The following DRD3 variants were observed in gnomAD, a reference collection of about 807,000 sequenced individuals.
DRD3 encodes dopamine receptor D3, also known as D(3) dopamine receptor.
Under a neutral mutation model 36.3 loss-of-function variants are expected in DRD3, and 19 were observed. The observed-to-expected ratio is 0.52, with a 90% CI of 0.36 to 0.77. The LOEUF (loss-of-function observed/expected upper bound fraction) is 0.77, where lower values mean the gene tolerates loss of function less well. Ranked by LOEUF, DRD3 falls within the 30% of genes least tolerant of loss-of-function variation. The probability of loss-of-function intolerance (pLI) is 0.00; values close to 1 mark genes in which losing one functional copy is unlikely to be tolerated. For missense variants in DRD3, 465 were observed against 505.3 expected (o/e 0.92, Z 0.77); for synonymous variants, 195 against 203.7 (o/e 0.96, Z 0.36).
chr3:114,155,586 G>T (rs1044749086), intron 3 of DRD3, among the ~76,000 whole-genome samples: 1 of 152,152 alleles, frequency 6.6e-6, no homozygotes, highest in African/African-American at 2.4e-5. Flanking sequence ...CCCTCTCCTG[G>T]CTGGCAAATC....
At chr3:114,145,648 A>G (rs548583501) in intron 4 of DRD3, among the ~76,000 whole-genome samples, 1 of 152,356 alleles carries the variant, frequency 6.6e-6, no homozygotes, top group African/African-American at 2.4e-5. Flanking sequence ...GAGTGGAGTT[A>G]TATGTAGTCT....
At chr3:114,158,720 A>G (rs1275911356) in intron 3 of DRD3, among the ~76,000 whole-genome samples, 1 of 152,264 alleles carries the variant, frequency 6.6e-6, no homozygotes, top group African/African-American at 2.4e-5. Context: ...TGAAGATGAA[A>G]TGAGTTAATG....
At chr3:114,160,003 G>T in intron 2 of DRD3, 136 bp from the exon 3 acceptor site, 1 of 718,184 alleles carries the variant, frequency 1.4e-6, no homozygotes. Flanking sequence ...TTCCCACAGG[G>T]CAGATGGACA....
At chr3:114,142,829 C>G (rs1206469394) in intron 4 of DRD3, among the ~76,000 whole-genome samples, 1 of 152,248 alleles carries the variant, frequency 6.6e-6, no homozygotes, top group East Asian at 1.9e-4. Context: ...GCATTGCCAT[C>G]TCTTCCTTCC....
At chr3:114,167,181 T>C (rs931605402) in intron 2 of DRD3, among the ~76,000 whole-genome samples, 1 of 152,162 alleles carries the variant, frequency 6.6e-6, no homozygotes, top group African/African-American at 2.4e-5. Flanking sequence ...TGACTACCTT[T>C]CTTAATCCTC....
At chr3:114,197,277 A>AATTT (rs1491542620) in intron 1 of DRD3, among the ~76,000 whole-genome samples, 2 of 89,360 alleles carry the variant, frequency 2.2e-5, no homozygotes, top group African/African-American at 4.7e-5. Flanking sequence ...AATTAAAAAA[A>AATTT]TTTTTTTTTT....
chr3:114,132,729 C>T (rs1434838413), intron 5 of DRD3, among the ~76,000 whole-genome samples: 4 of 152,040 alleles, frequency 2.6e-5, no homozygotes, highest in Admixed American at 6.6e-5. Context: ...ACATAAGCCC[C>T]GAAATGTGGA....
At chr3:114,172,277 A>G (rs2077853654) in intron 1 of DRD3, among the ~76,000 whole-genome samples, 3 of 152,242 alleles carry the variant, frequency 2.0e-5, no homozygotes, top group Non-Finnish European at 2.9e-5. Context: ...GGTGTGTTCA[A>G]TAATGATACG....
chr3:114,192,352 T>C (rs2078014903), intron 1 of DRD3, among the ~76,000 whole-genome samples: 1 of 152,214 alleles, frequency 6.6e-6, no homozygotes, highest in African/African-American at 2.4e-5. Flanking sequence ...TTGCTTATTG[T>C]AGATAAGGGG....
chr3:114,162,249 A>C (rs2077739999), intron 2 of DRD3, among the ~76,000 whole-genome samples: 1 of 152,262 alleles, frequency 6.6e-6, no homozygotes, highest in African/African-American at 2.4e-5. Context: ...TTCACTGTAC[A>C]TGTGTTACCA....
intron 1 of DRD3, 32 bp from the exon 2 acceptor site, chr3:114,172,059 A>T: frequency 7.4e-7 from 1 of 1,351,886 alleles, no homozygotes; most frequent in Non-Finnish European, 9.6e-7. Context: ...TATTAATAAA[A>T]TCAGACTCTT....
chr3:114,157,978 T>C (rs937614748), intron 3 of DRD3, among the ~76,000 whole-genome samples: 1 of 152,134 alleles, frequency 6.6e-6, no homozygotes, highest in Non-Finnish European at 1.5e-5. Context: ...GGCTCATGCC[T>C]GTAATCCCAG....
At chr3:114,136,934 G>T (rs757408836) in intron 5 of DRD3, among the ~76,000 whole-genome samples, 78 of 152,174 alleles carry the variant, frequency 5.1e-4, no homozygotes, top group Non-Finnish European at 1.8e-4. Context: ...CTCTGTCCAT[G>T]TGTGTTCCCT....
At chr3:114,176,876 C>A (rs1010057197) in intron 1 of DRD3, among the ~76,000 whole-genome samples, 1 of 151,850 alleles carries the variant, frequency 6.6e-6, no homozygotes, top group Non-Finnish European at 1.5e-5. Context: ...CATCATTCAA[C>A]CTCACAACAA....
chr3:114,159,902 C>G (rs1303974550), intron 2 of DRD3, 35 bp from the exon 3 acceptor site: 10 of 1,596,062 alleles, frequency 6.3e-6, no homozygotes, highest in Non-Finnish European at 8.6e-6. Context: ...AGTGTTTACC[C>G]CAGTGAAGGA....
intron 4 of DRD3, among the ~76,000 whole-genome samples, chr3:114,142,122 C>T (rs2077531274): frequency 6.7e-6 from 1 of 149,672 alleles, no homozygotes; most frequent in Non-Finnish European, 1.5e-5. Context: ...ACCAAATTGG[C>T]ATCTGCTGGT....
chr3:114,190,594 T>C (rs1181118647), intron 1 of DRD3, among the ~76,000 whole-genome samples: 3 of 148,922 alleles, frequency 2.0e-5, no homozygotes, highest in Non-Finnish European at 4.5e-5. Flanking sequence ...GAGATCTCTT[T>C]TGACTTTATG....
intron 3 of DRD3, among the ~76,000 whole-genome samples, chr3:114,159,340 C>T (rs772564667): frequency 1.3e-5 from 2 of 151,834 alleles, no homozygotes; most frequent in South Asian, 2.1e-4. Context: ...CTCTTTCTCT[C>T]TCCCACCTTC....
At chr3:114,174,354 T>C (rs1280192269) in intron 1 of DRD3, among the ~76,000 whole-genome samples, 1 of 152,192 alleles carries the variant, frequency 6.6e-6, no homozygotes, top group Non-Finnish European at 1.5e-5. Flanking sequence ...GAATAATGTC[T>C]TAGCCTCCTC....
Sources: allele counts gnomAD v4.1 joint callset (sites outside exome capture counted in the v4.1 genomes callset), GRCh38; gene constraint gnomAD v4.1.1; transcripts MANE v1.5; gene names NCBI Gene and HGNC (gene_info 2026-07-23, HGNC 2026-07-21).